The following SH3BP2 variants were observed in gnomAD, a reference collection of about 807,000 sequenced individuals.
The protein encoded by SH3BP2 is SH3 domain binding protein 2.
A neutral mutation model predicts 56.2 loss-of-function variants in SH3BP2; 38 were observed. The observed-to-expected ratio is 0.68, with a 90% CI of 0.52 to 0.89. SH3BP2 has a LOEUF of 0.89. Among genes scored for constraint, SH3BP2 ranks in the 40% least tolerant of loss-of-function variants. SH3BP2 has a pLI of 0.00. For synonymous variants in SH3BP2, 346 were observed against 316.7 expected (o/e 1.09, Z -0.98); for missense variants, 748 against 762.6 (o/e 0.98, Z 0.23).
chr4:2,793,413 C>T (rs2108690883), intron 1 of SH3BP2, among the ~76,000 whole-genome samples: 1 of 150,042 alleles, frequency 6.7e-6, no homozygotes, highest in East Asian at 2.0e-4. Flanking sequence ...GTCTCGGGTG[C>T]GCAGCAGCCT....
At chr4:2,832,244 A>G in intron 10 of SH3BP2, 87 bp from the exon 11 acceptor site, 1 of 1,229,956 alleles carries the variant, frequency 8.1e-7, no homozygotes, top group East Asian at 2.3e-5. Flanking sequence ...GAGAGGACAG[A>G]AAGCCAGGCT....
chr4:2,811,414 C>G (rs546557521), intron 1 of SH3BP2, among the ~76,000 whole-genome samples: 1 of 152,180 alleles, frequency 6.6e-6, no homozygotes, highest in Admixed American at 6.5e-5. Context: ...CCCAGAAAGC[C>G]CCTTTCTCCA....
intron 1 of SH3BP2, among the ~76,000 whole-genome samples, chr4:2,807,793 G>T (rs1723592112): frequency 6.6e-6 from 1 of 152,210 alleles, no homozygotes; most frequent in African/African-American, 2.4e-5. Context: ...GGTGGGGTCA[G>T]CAAGCCTGGC....
rs115627074 is a variant in SH3BP2, at chr4:2,810,538, G to A, written c.-4-10076G>A. Among the ~76,000 whole-genome samples the A allele has an allele frequency of 4.1e-3, 619 of 152,002 alleles. 4 individuals carry two copies. Among genetic ancestry groups the A allele is most frequent in the African/African-American group, 0.014 (595 of 41,464 alleles). ...GGGGTGGCGTGTTCCTGAGAGCGCC[G>A]GCTGCCTCTGGGTTCTTATCTTCAT... On this transcript the variant is annotated intron_variant, in intron 1 of 12. Transcript: ENST00000503393. This position sits in a 1 kb window ranked among gnomAD's most constrained non-coding sequence, Gnocchi z 4.2.
In SH3BP2 at chr4:2,807,772, C is replaced by A. The variant is rs182609957; in HGVS notation, c.-4-12842C>A. ...GAAGGGCAGGCCAAAGGGGTGAACGCGAGGCCAGGAGGTGGGGTCAGCAAG... is the reference window on the plus strand; with the variant it reads ...GAAGGGCAGGCCAAAGGGGTGAACGAGAGGCCAGGAGGTGGGGTCAGCAAG... On this transcript the variant is annotated intron_variant, in intron 1 of 12. Coordinates refer to ENST00000503393, the MANE Select transcript of SH3BP2 (RefSeq NM_001122681.2). Among the ~76,000 whole-genome samples, 4 of 152,212 alleles carry A rather than the reference C, an allele frequency of 2.6e-5. No individual in the cohort carries two copies. In the East Asian group the frequency reaches 5.8e-4, roughly 22 times the overall value.
Position 2,827,475 on chromosome 4 carries a change from G to A in SH3BP2, c.518-131G>A, listed in dbSNP as rs887509174. On this transcript the variant is annotated intron_variant, in intron 6 of 12. Coordinates refer to ENST00000503393, the MANE Select transcript of SH3BP2 (RefSeq NM_001122681.2). ...CCCTGGGCTCTGGCCTTCAGCGGCA[G>A]GGTCTGGACTCACAGTCCTCCCAGC... The A allele has an allele frequency of 5.9e-6, 7 of 1,184,408 alleles. No individual in the cohort carries two copies. In the Admixed American group the frequency reaches 9.8e-5, roughly 17 times the overall value. The allele number at this position is 1,184,408 out of a possible 1,614,324, so 73.4% of individuals were successfully genotyped here. A position where few individuals can be genotyped will look rare whatever the true frequency, so the allele number is the denominator to read the frequency against.
Position 2,831,874 on chromosome 4 carries a change from G to A in SH3BP2, c.1351-49G>A. ...TGGCCACCGTCCGGGGAGTGGTGGT[G>A]CGGGTGGATCACTCCGACGTTGGCA... On this transcript the variant is annotated intron_variant, in intron 9 of 12. Coordinates refer to ENST00000503393, the MANE Select transcript of SH3BP2 (RefSeq NM_001122681.2). The surrounding 1 kb of genome is among the most constrained non-coding windows in gnomAD (Gnocchi z 4.1). 1 of 1,595,784 alleles carries A rather than the reference G, an allele frequency of 6.3e-7. No individual in the cohort carries two copies. The highest frequency in any genetic ancestry group is 1.1e-5 in the South Asian group (1 of 90,384).
At chr4:2,832,270 A>G in intron 10 of SH3BP2, 61 bp from the exon 11 acceptor site, 1 of 1,377,978 alleles carries the variant, frequency 7.3e-7, no homozygotes, top group South Asian at 1.2e-5. Context: ...GCGGGGCGGG[A>G]AGGTCCGTGT....
At chr4:2,801,593 T>C (rs1446855023) in intron 1 of SH3BP2, among the ~76,000 whole-genome samples, 1 of 152,068 alleles carries the variant, frequency 6.6e-6, no homozygotes, top group Non-Finnish European at 1.5e-5. Flanking sequence ...GCAGAGGGGC[T>C]GGCCTGTCGC....
In SH3BP2 at chr4:2,810,418, G is replaced by A. The variant is rs751580895; in HGVS notation, c.-4-10196G>A. Among the ~76,000 whole-genome samples the A allele has an allele frequency of 6.6e-6, 1 of 151,634 alleles. No individual in the cohort carries two copies. Among genetic ancestry groups the A allele is most frequent in the African/African-American group, 2.4e-5 (1 of 41,232 alleles). On this transcript the variant is annotated intron_variant, in intron 1 of 12. Coordinates refer to ENST00000503393, the MANE Select transcript of SH3BP2 (RefSeq NM_001122681.2). The surrounding 1 kb of genome is among the most constrained non-coding windows in gnomAD (Gnocchi z 4.2). ...TTGCTTCTGCCTCTGCCGAGTCTAT[G>A]AGTGTGGGGCTTTTGGCGGAGCAAG...
chr4:2,825,365 A>G (rs1461292299), intron 5 of SH3BP2, 169 bp downstream of exon 5: 3 of 680,422 alleles, frequency 4.4e-6, no homozygotes. Context: ...AGATAAACAC[A>G]GATACAGGAC....
intron 1 of SH3BP2, among the ~76,000 whole-genome samples, chr4:2,802,846 G>A (rs1723368009): frequency 6.6e-6 from 1 of 152,166 alleles, no homozygotes; most frequent in Admixed American, 6.5e-5. Flanking sequence ...GCCTTGGTGG[G>A]TCCCAGCCTG....
At chr4:2,824,563 C>T (rs1241247691) in intron 3 of SH3BP2, 50 bp from the exon 4 acceptor site, 1 of 1,392,842 alleles carries the variant, frequency 7.2e-7, no homozygotes, top group South Asian at 1.1e-5. Flanking sequence ...GTGGGAAGGC[C>T]ATCCCTATAG....
At chr4:2,794,828 T>C (rs980028197) in intron 1 of SH3BP2, among the ~76,000 whole-genome samples, 6 of 151,802 alleles carry the variant, frequency 4.0e-5, no homozygotes, top group Non-Finnish European at 8.8e-5. Flanking sequence ...CAGCTGGAGC[T>C]CCCCACCCCC....
chr4:2,809,353 A>G (rs1298130195), intron 1 of SH3BP2, among the ~76,000 whole-genome samples: 1 of 130,170 alleles, frequency 7.7e-6, no homozygotes, highest in African/African-American at 3.0e-5. Flanking sequence ...CCCCAGGTTC[A>G]GTGCCCTCCC....
intron 7 of SH3BP2, among the ~76,000 whole-genome samples, chr4:2,828,199 C>T (rs532462767): frequency 7.1e-6 from 1 of 140,066 alleles, no homozygotes; most frequent in East Asian, 1.9e-4. Flanking sequence ...CTGTCGCCTC[C>T]CTCCCTTCCT....
At chr4:2,814,494 A>G (rs2108716996) in intron 1 of SH3BP2, among the ~76,000 whole-genome samples, 1 of 146,506 alleles carries the variant, frequency 6.8e-6, no homozygotes, top group African/African-American at 2.7e-5. Context: ...CCTAATGTGC[A>G]TGTGCACACA....
intron 1 of SH3BP2, among the ~76,000 whole-genome samples, chr4:2,819,940 C>T (rs886077946): frequency 1.3e-5 from 2 of 152,162 alleles, no homozygotes; most frequent in African/African-American, 4.8e-5. Context: ...TGGTCCTCCA[C>T]TGACTGTGTG....
At chr4:2,803,739 T>C (rs1170200516) in intron 1 of SH3BP2, among the ~76,000 whole-genome samples, 1 of 152,176 alleles carries the variant, frequency 6.6e-6, no homozygotes, top group Admixed American at 6.5e-5. Context: ...CCAGGGCCTT[T>C]GCACAAGCTA....
Sources: gnomAD v4.1 joint callset for allele counts (sites outside exome capture counted in the v4.1 genomes callset) on GRCh38, gnomAD v4.1.1 for gene constraint, Gnocchi (gnomAD v3.1) non-coding constraint, MANE v1.5 for transcripts, NCBI Gene and HGNC (gene_info 2026-07-23, HGNC 2026-07-21) for gene names.